ONECUT3: variants seen among roughly 807,000 people sequenced by gnomAD.
The protein encoded by ONECUT3 is one cut homeobox 3.
In ONECUT3, 11 loss-of-function variants were observed where a neutral mutation model predicts 16.8. That is an observed-to-expected ratio of 0.66 (90% CI 0.41 to 1.09). ONECUT3 has a LOEUF of 1.09. Ranked by LOEUF, ONECUT3 falls within the 50% of genes least tolerant of loss-of-function variation. The pLI, the probability that ONECUT3 is intolerant of heterozygous loss-of-function variation, is 0.00. For synonymous variants in ONECUT3, 344 were observed against 310.7 expected, an observed-to-expected ratio of 1.11 and a Z score of -1.13; for missense variants, 637 against 629.9, an observed-to-expected ratio of 1.01 and a Z score of -0.12.
chr19:1,756,227 G>A (rs913478569), intron 1 of ONECUT3, among the ~76,000 whole-genome samples: 2 of 152,192 alleles, frequency 1.3e-5, no homozygotes, highest in Non-Finnish European at 2.9e-5. Context: ...TGGACCCACA[G>A]GCCGGCCTCA....
chr19:1,770,415 C>A (rs183425390), intron 1 of ONECUT3, among the ~76,000 whole-genome samples: 3 of 151,942 alleles, frequency 2.0e-5, no homozygotes, highest in Non-Finnish European at 4.4e-5. Flanking sequence ...CCAGCCTGGG[C>A]GACACAGCAA....
chr19:1,763,733 T>G (rs1414510274), intron 1 of ONECUT3, among the ~76,000 whole-genome samples: 2 of 36,674 alleles, frequency 5.5e-5, no homozygotes, highest in South Asian at 6.3e-4. Context: ...CCCTTTTTTG[T>G]TTTTTTTTTT....
chr19:1,757,957 C>G (rs2067925613), intron 1 of ONECUT3, among the ~76,000 whole-genome samples: 1 of 152,244 alleles, frequency 6.6e-6, no homozygotes, highest in African/African-American at 2.4e-5. Flanking sequence ...GCTCCGCGAG[C>G]ACCGCGGGCC....
In ONECUT3 at chr19:1,758,401, GC is replaced by G. The variant is rs1266900786; in HGVS notation, c.1192+3552del. Among the ~76,000 whole-genome samples, 2 of 145,264 alleles carry G rather than the reference GC, an allele frequency of 1.4e-5. No homozygotes were observed. Among genetic ancestry groups the G allele is most frequent in the Non-Finnish European group, 3.0e-5 (2 of 65,990 alleles). ...CTGTGTCCACCCCCGCCCTCCCACA[GC>G]CCCCTCCTTCTTCCCCATGGGGTAG... On this transcript the variant is annotated intron_variant, in intron 1 of 1. Transcript: ENST00000382349. This position sits in a 1 kb window ranked among gnomAD's most constrained non-coding sequence, Gnocchi z 5.9.
chr19:1,775,126 G>GGGCCGCCCCCC, intron 1 of ONECUT3, 27 bp from the exon 2 acceptor site: 2 of 1,143,900 alleles, frequency 1.7e-6, no homozygotes, highest in Non-Finnish European at 2.4e-6. Context: ...TGTCCCGCTC[G>GGGCCGCCCCCC]CCCGCCCGCC....
In ONECUT3 at chr19:1,775,858, C is replaced by T. The variant is rs1037596448; in HGVS notation, c.*413C>T. On this transcript the variant is annotated 3_prime_UTR_variant, in exon 2 of 2. Transcript: ENST00000382349. Reference sequence around the variant, plus strand: ...TTAAAAATGGAATTTTAAAGAATAACCCCTCCTCCGTCAGATCCCCTGCCC... The same window carrying T: ...TTAAAAATGGAATTTTAAAGAATAATCCCTCCTCCGTCAGATCCCCTGCCC... 59 of 154,448 alleles carry T rather than the reference C, an allele frequency of 3.8e-4. No homozygotes were observed. Among genetic ancestry groups the T allele is most frequent in the Non-Finnish European group, 6.5e-4 (45 of 69,680 alleles). The allele number at this position is 154,448 out of a possible 1,614,324, so 9.6% of individuals were successfully genotyped here.
rs570453529 is a variant in ONECUT3 at position 1,764,426 on chromosome 19, G to A, written c.1192+9572G>A. On this transcript the variant is annotated intron_variant, in intron 1 of 1. Coordinates refer to ENST00000382349, the MANE Select transcript of ONECUT3 (RefSeq NM_001080488.2). The surrounding 1 kb of genome is among the most constrained non-coding windows in gnomAD (Gnocchi z 5.0). ...AAATCCCATCAGGGGAGGCTGGCGG[G>A]GAAAGCTGGAGGGAGAGGGGTGGGG... Among the ~76,000 whole-genome samples the A allele has an allele frequency of 6.6e-6, 1 of 152,374 alleles. No homozygotes were observed. The highest frequency in any genetic ancestry group is 2.4e-5 in the African/African-American group (1 of 41,594).
intron 1 of ONECUT3, among the ~76,000 whole-genome samples, chr19:1,769,755 G>A (rs1288566626): frequency 3.3e-5 from 5 of 152,200 alleles, no homozygotes; most frequent in African/African-American, 1.2e-4. Context: ...AAACAGCTCC[G>A]ACTGGATCGA....
Position 1,754,978 on chromosome 19 carries a change from C to T in ONECUT3, c.1192+124C>T. 1 of 1,209,420 alleles carries T rather than the reference C, an allele frequency of 8.3e-7. No homozygotes were observed. The highest frequency in any genetic ancestry group is 1.0e-6 in the Non-Finnish European group (1 of 954,738). 74.9% of individuals were successfully genotyped at this position (1,209,420 alleles called of 1,614,324 possible). On this transcript the variant is annotated intron_variant, in intron 1 of 1. Transcript: ENST00000382349. This position sits in a 1 kb window ranked among gnomAD's most constrained non-coding sequence, Gnocchi z 7.4. ...AGCCCCGCCCGTGCGCCCCGGCAGCCCGGGACCCCCTATCAGGAAGCTAGA... is the reference window on the plus strand; with the variant it reads ...AGCCCCGCCCGTGCGCCCCGGCAGCTCGGGACCCCCTATCAGGAAGCTAGA...
At chr19:1,768,919 G>A (rs2068022163) in intron 1 of ONECUT3, among the ~76,000 whole-genome samples, 2 of 148,170 alleles carry the variant, frequency 1.3e-5, no homozygotes, top group Non-Finnish European at 3.1e-5. Flanking sequence ...AGGTGGAGGT[G>A]GTGGAGGTGA....
rs955595078 is a variant in ONECUT3, at chr19:1,763,494, C to T, written c.1192+8640C>T. Among the ~76,000 whole-genome samples, 6 of 150,584 alleles carry T rather than the reference C, an allele frequency of 4.0e-5. No homozygotes were observed. The East Asian group carries it at 1.2e-3, about 30-fold the overall frequency. On this transcript the variant is annotated intron_variant, in intron 1 of 1. Transcript: ENST00000382349. The stretch of plus-strand genomic sequence containing the variant: ...AAGGGAGGTCGAGGCTGCAGTGAGA[C>T]ATGACTGCGTCACTTCATTCCAGCC...
rs374879630 is a variant in ONECUT3, at chr19:1,754,709, G to C, written c.1047G>C (p.Leu349=). ...AGGCAATCTTCGCGCAGCGGATCCT[G>C]TGTCGCTCTCAGGGCACGCTCTCCG... ...IPQAIFAQRI[L]CRSQGTLSDL... Residue 349 remains leucine, a synonymous_variant, in exon 1 of 2, where the codon CTG becomes CTC. Coordinates refer to ENST00000382349, the MANE Select transcript of ONECUT3 (RefSeq NM_001080488.2). The surrounding 1 kb of genome is among the most constrained non-coding windows in gnomAD (Gnocchi z 7.4). The C allele has an allele frequency of 6.5e-6, 10 of 1,543,660 alleles. No homozygotes were observed. Among genetic ancestry groups the C allele is most frequent in the Non-Finnish European group, 8.7e-6 (10 of 1,146,780 alleles).
At position 1,778,032 on chromosome 19, in the gene ONECUT3, A is replaced by G. The variant is rs2068126814; in HGVS notation, c.*2587A>G. The G allele has an allele frequency of 6.6e-6, 1 of 151,486 alleles. No homozygotes were observed. Among genetic ancestry groups the G allele is most frequent in the Non-Finnish European group, 1.5e-5 (1 of 67,952 alleles). 9.4% of individuals were successfully genotyped at this position (151,486 alleles called of 1,614,324 possible). The stretch of plus-strand genomic sequence containing the variant: ...AAAAAAAAAAAACTTTAGGTCCAAG[A>G]AGATGCACCCCATTCAACATACCAT... On this transcript the variant is annotated 3_prime_UTR_variant, in exon 2 of 2. Transcript: ENST00000382349.
intron 1 of ONECUT3, among the ~76,000 whole-genome samples, chr19:1,760,013 G>A (rs1353598227): frequency 6.6e-6 from 1 of 152,218 alleles, no homozygotes; most frequent in Non-Finnish European, 1.5e-5. Flanking sequence ...CAGGGATCAG[G>A]CTCCCGCCTC....
Position 1,754,564 on chromosome 19 carries a change from G to C in ONECUT3, c.902G>C (p.Gly301Ala). ...GCCGGGGCGCACGGGCCGCACGGGG[G>C]AGGCGGCGGCCCCGGCGGGAGCGGC... ...AAAGAHGPHG[G>A]GGGPGGSGGG... The change falls in exon 1 of 2, where the codon GGA becomes GCA. Residue 301 changes from glycine to alanine, a missense_variant. Gly to Ala is a moderately conservative substitution (Grantham distance 60, BLOSUM62 0). Transcript: ENST00000382349. This position sits in a 1 kb window ranked among gnomAD's most constrained non-coding sequence, Gnocchi z 7.4. 1 of 1,089,666 alleles carries C rather than the reference G, an allele frequency of 9.2e-7. No homozygotes were observed. Among genetic ancestry groups the C allele is most frequent in the Non-Finnish European group, 1.1e-6 (1 of 896,494 alleles). The allele number at this position is 1,089,666 out of a possible 1,614,324, so 67.5% of individuals were successfully genotyped here.
At chr19:1,770,373 G>C (rs2068043044) in intron 1 of ONECUT3, among the ~76,000 whole-genome samples, 1 of 152,104 alleles carries the variant, frequency 6.6e-6, no homozygotes. Context: ...GGAGTTCAAG[G>C]ATGCAGTGAG....
At chr19:1,765,798 G>C (rs570580522) in intron 1 of ONECUT3, among the ~76,000 whole-genome samples, 1 of 152,194 alleles carries the variant, frequency 6.6e-6, no homozygotes, top group Admixed American at 6.5e-5. Context: ...GAGCCCACCC[G>C]CGTCCCCATG....
In ONECUT3 at chr19:1,778,891, C is replaced by CAT. The variant is rs1555801762; in HGVS notation, c.*3447_*3448insTA. On this transcript the variant is annotated 3_prime_UTR_variant, in exon 2 of 2. Transcript: ENST00000382349. ...TCACACACACACACACACACACACA[C>CAT]ACACACACACACACACACACACCCC... 97 of 150,936 alleles carry CAT rather than the reference C, an allele frequency of 6.4e-4. 2 individuals are homozygous for CAT. Among genetic ancestry groups the CAT allele is most frequent in the African/African-American group, 1.8e-3 (73 of 40,636 alleles). 9.3% of individuals were successfully genotyped at this position (150,936 alleles called of 1,614,324 possible). A position where few individuals can be genotyped will look rare whatever the true frequency, so the allele number is the denominator to read the frequency against.
rs144878528 is a variant in ONECUT3 at position 1,766,283 on chromosome 19, G to T, written c.1193-8870G>T. 6.6e-6 allele frequency among the ~76,000 whole-genome samples: 1 copy of T among 152,150 alleles called. No homozygotes were observed. ...CACGCGGGCACACCCGATGGTGGAC[G>T]GAGGCTGGCACCCTCAGCCCGCACG... On this transcript the variant is annotated intron_variant, in intron 1 of 1. Transcript: ENST00000382349. This position sits in a 1 kb window ranked among gnomAD's most constrained non-coding sequence, Gnocchi z 4.0.
Sources: gnomAD v4.1 joint callset for allele counts (sites outside exome capture counted in the v4.1 genomes callset) on GRCh38, gnomAD v4.1.1 for gene constraint, Gnocchi (gnomAD v3.1) non-coding constraint, MANE v1.5 for transcripts, NCBI Gene and HGNC (gene_info 2026-07-23, HGNC 2026-07-21) for gene names.